CDK3: variants seen among roughly 807,000 people sequenced by gnomAD.
CDK3 encodes the protein cyclin-dependent kinase 3.
Under a neutral mutation model 30.2 loss-of-function variants are expected in CDK3, and 24 were observed. The observed-to-expected ratio is 0.79, with a 90% CI of 0.57 to 1.12. The LOEUF is 1.12. Ranked by LOEUF, CDK3 falls within the 50% of genes most tolerant of loss-of-function variation. CDK3 has a pLI of 0.00. For missense variants in CDK3, 345 were observed against 376.0 expected, an observed-to-expected ratio of 0.92 and a Z score of 0.68; for synonymous variants, 158 against 154.2, an observed-to-expected ratio of 1.02 and a Z score of -0.18.
chr17:76,004,219 GTT>G (rs59029490), intron 7 of CDK3, among the ~76,000 whole-genome samples: 4 of 92,288 alleles, frequency 4.3e-5, no homozygotes, highest in African/African-American at 1.5e-4. Flanking sequence ...AGAACCGTCT[GTT>G]TTTTTTTTTT....
intron 7 of CDK3, 31 bp downstream of exon 7, chr17:76,003,429 C>G: frequency 6.3e-7 from 1 of 1,575,836 alleles, no homozygotes; most frequent in Admixed American, 1.7e-5. Context: ...GCTGCTGCTC[C>G]GACTACAGTT....
rs2066309686 is a variant in CDK3 at position 76,005,985 on chromosome 17, T to C, written c.*562T>C. 1 of 153,078 alleles carries C rather than the reference T, an allele frequency of 6.5e-6. No homozygotes were observed. Among genetic ancestry groups the C allele is most frequent in the African/African-American group, 2.4e-5 (1 of 41,422 alleles). 9.5% of individuals were successfully genotyped at this position (153,078 alleles called of 1,614,324 possible). A position where few individuals can be genotyped will look rare whatever the true frequency, so the allele number is the denominator to read the frequency against. On this transcript the variant is annotated 3_prime_UTR_variant, in exon 8 of 8. Coordinates refer to ENST00000448471, the MANE Select transcript of CDK3 (RefSeq NM_001258.4). The surrounding 1 kb of genome is among the most constrained non-coding windows in gnomAD (Gnocchi z 4.7). Reference sequence around the variant, plus strand: ...CTGGCTTGACAACAATAAATAAACGTGGTATGTTCCTGAGTTTTCTGATTG... The same window carrying C: ...CTGGCTTGACAACAATAAATAAACGCGGTATGTTCCTGAGTTTTCTGATTG...
Position 76,005,340 on chromosome 17 carries a change from A to G in CDK3, c.835A>G (p.Thr279Ala). 2 of 1,614,022 alleles carry G rather than the reference A, an allele frequency of 1.2e-6. No individual in the cohort carries two copies. Among genetic ancestry groups the G allele is most frequent in the Non-Finnish European group, 1.7e-6 (2 of 1,179,978 alleles). Residue 279 changes from threonine to alanine, a missense_variant, in exon 8 of 8, where the codon ACT becomes GCT. Thr to Ala is a moderately conservative substitution (Grantham distance 58, BLOSUM62 0). Coordinates refer to ENST00000448471, the MANE Select transcript of CDK3 (RefSeq NM_001258.4). The surrounding 1 kb of genome is among the most constrained non-coding windows in gnomAD (Gnocchi z 4.7). ...YDPSQRITAKTALAHPYFSSP... is the reference protein window; with the variant it reads ...YDPSQRITAKAALAHPYFSSP... ...CCCCAGCCAGCGGATCACAGCCAAGACTGCCCTGGCCCACCCGTACTTCTC... is the reference window on the plus strand; with the variant it reads ...CCCCAGCCAGCGGATCACAGCCAAGGCTGCCCTGGCCCACCCGTACTTCTC...
Position 76,001,027 on chromosome 17 carries a change from T to G in CDK3, c.-15+60T>G. 2 of 1,128,212 alleles carry G rather than the reference T, an allele frequency of 1.8e-6. No individual in the cohort carries two copies. Among genetic ancestry groups the G allele is most frequent in the Non-Finnish European group, 2.2e-6 (2 of 912,490 alleles). 69.9% of individuals were successfully genotyped at this position (1,128,212 alleles called of 1,614,324 possible). A position where few individuals can be genotyped will look rare whatever the true frequency, so the allele number is the denominator to read the frequency against. On this transcript the variant is annotated intron_variant, in intron 1 of 7. Transcript: ENST00000448471. The surrounding 1 kb of genome is among the most constrained non-coding windows in gnomAD (Gnocchi z 6.2). ...CACAAGTGAGAGGCCTGGGGGTCCA[T>G]GTTGGGCTGGGCTGGGCGAGGGGTG... is the stretch of plus-strand genomic sequence containing the variant.
rs2066304632 is a variant in CDK3, at chr17:76,005,318, C to G, written c.813C>G (p.Pro271=). Residue 271 remains proline (P), a synonymous_variant, in exon 8 of 8, where the codon CCC becomes CCG. Transcript: ENST00000448471. This position sits in a 1 kb window ranked among gnomAD's most constrained non-coding sequence, Gnocchi z 4.7. ...CCTAGCAACTCCTGCAGTATGACCCCAGCCAGCGGATCACAGCCAAGACTG... is the reference window on the plus strand; with the variant it reads ...CCTAGCAACTCCTGCAGTATGACCCGAGCCAGCGGATCACAGCCAAGACTG... ...DLLMQLLQYD[P]SQRITAKTAL... 6.2e-7 allele frequency: 1 copy of G among 1,614,122 alleles called. No homozygotes were observed. The highest frequency in any genetic ancestry group is 1.3e-5 in the African/African-American group (1 of 75,042).
chr17:76,005,641 A>T lies in CDK3; in HGVS notation c.*218A>T, dbSNP rs2066307142. ...GTGCCGTTTCAAAATAGAGGCACAG[A>T]TGCTCCATGCACGAGGGGTCCCCGG... On this transcript the variant is annotated 3_prime_UTR_variant, in exon 8 of 8. Coordinates refer to ENST00000448471, the MANE Select transcript of CDK3 (RefSeq NM_001258.4). This position sits in a 1 kb window ranked among gnomAD's most constrained non-coding sequence, Gnocchi z 4.7. 1 of 536,076 alleles carries T rather than the reference A, an allele frequency of 1.9e-6. No homozygotes were observed. Among genetic ancestry groups the T allele is most frequent in the Admixed American group, 3.7e-5 (1 of 27,090 alleles). The allele number at this position is 536,076 out of a possible 1,614,324, so 33.2% of individuals were successfully genotyped here.
In CDK3 at chr17:76,001,187, C is replaced by T. The variant is rs917976771; in HGVS notation, c.-15+220C>T. The T allele has an allele frequency of 2.2e-6, 3 of 1,369,172 alleles. No homozygotes were observed. The highest frequency in any genetic ancestry group is 3.0e-5 in the Admixed American group (1 of 32,894). 84.8% of individuals were successfully genotyped at this position (1,369,172 alleles called of 1,614,324 possible). A position where few individuals can be genotyped will look rare whatever the true frequency, so the allele number is the denominator to read the frequency against. On this transcript the variant is annotated intron_variant, in intron 1 of 7. Coordinates refer to ENST00000448471, the MANE Select transcript of CDK3 (RefSeq NM_001258.4). This position sits in a 1 kb window ranked among gnomAD's most constrained non-coding sequence, Gnocchi z 6.2. ...TGAACTGGGCTGGGTGAAGGGGGCC[C>T]CCTGACCCCCTTGGGGTCCGGGCTG... is the stretch of plus-strand genomic sequence containing the variant.
In CDK3 at chr17:76,002,724, G is replaced by T; in HGVS notation, c.588+112G>T. On this transcript the variant is annotated intron_variant, in intron 6 of 7. Transcript: ENST00000448471. This position sits in a 1 kb window ranked among gnomAD's most constrained non-coding sequence, Gnocchi z 4.3. Reference sequence around the variant, plus strand: ...GGCGGATTAAAGAGTGTTTGGGGCTGGACATGGCTCACGCCCGTAATCCCA... The same window carrying T: ...GGCGGATTAAAGAGTGTTTGGGGCTTGACATGGCTCACGCCCGTAATCCCA... 1.5e-6 allele frequency: 1 copy of T among 683,344 alleles called. No homozygotes were observed. 42.3% of individuals were successfully genotyped at this position (683,344 alleles called of 1,614,324 possible). A position where few individuals can be genotyped will look rare whatever the true frequency, so the allele number is the denominator to read the frequency against.
intron 6 of CDK3, 124 bp from the exon 7 acceptor site, chr17:76,003,071 T>C: frequency 1.3e-6 from 1 of 780,714 alleles, no homozygotes; most frequent in South Asian, 1.6e-5. Flanking sequence ...GAGGCCAGAA[T>C]TCTTTGCACA....
At position 76,002,450 on chromosome 17, in the gene CDK3, CAGG is replaced by C. The variant is rs1567902068; in HGVS notation, c.486+38_486+40del. The C allele has an allele frequency of 6.2e-7, 1 of 1,610,408 alleles. No individual in the cohort carries two copies. Among genetic ancestry groups the C allele is most frequent in the South Asian group, 1.1e-5 (1 of 90,958 alleles). Reference sequence around the variant, plus strand: ...TGAGACAAAGAGGAGAGAGGGGCAGCAGGAGGAGTGTCACCCATGCACTCAGCC... The same window carrying C: ...TGAGACAAAGAGGAGAGAGGGGCAGCAGGAGTGTCACCCATGCACTCAGCC... On this transcript the variant is annotated intron_variant, in intron 5 of 7. Transcript: ENST00000448471. This position sits in a 1 kb window ranked among gnomAD's most constrained non-coding sequence, Gnocchi z 4.3.
In CDK3 at chr17:76,001,893, A is replaced by G. The variant is rs1168340718; in HGVS notation, c.136A>G (p.Ser46Gly). The part of the protein sequence containing the change: ...RLDLEMEGVP[S>G]TAIREISLLK... Reference sequence around the variant, plus strand: ...TTGCAGGGAGATGGAGGGGGTCCCAAGCACTGCCATCAGGGAGATCTCGCT... The same window carrying G: ...TTGCAGGGAGATGGAGGGGGTCCCAGGCACTGCCATCAGGGAGATCTCGCT... Residue 46 changes from serine to glycine, a missense_variant, in exon 3 of 8, where the codon AGC (serine) becomes GGC (glycine). Physicochemically the swap from Ser to Gly is moderately conservative, Grantham distance 56 (BLOSUM62 0). Coordinates refer to ENST00000448471, the MANE Select transcript of CDK3 (RefSeq NM_001258.4). The surrounding 1 kb of genome is among the most constrained non-coding windows in gnomAD (Gnocchi z 6.2). 6.2e-7 allele frequency: 1 copy of G among 1,613,474 alleles called. No homozygotes were observed. Among genetic ancestry groups the G allele is most frequent in the Admixed American group, 1.7e-5 (1 of 59,996 alleles).
chr17:76,002,365 G>A lies in CDK3; in HGVS notation c.433G>A (p.Asp145Asn). ...INELGAIKLADFGLARAFGVP... is the reference protein window; with the variant it reads ...INELGAIKLANFGLARAFGVP... ...TGAGTTGGGTGCCATCAAGCTGGCT[G>A]ACTTCGGCCTGGCTCGCGCCTTCGG... The change falls in exon 5 of 8, where the codon GAC (aspartate) becomes AAC (asparagine). Residue 145 changes from aspartate to asparagine, a missense_variant. By Grantham distance (23) the Asp-to-Asn change is conservative (BLOSUM62 1). Coordinates refer to ENST00000448471, the MANE Select transcript of CDK3 (RefSeq NM_001258.4). This position sits in a 1 kb window ranked among gnomAD's most constrained non-coding sequence, Gnocchi z 4.3. 1 of 1,612,848 alleles carries A rather than the reference G, an allele frequency of 6.2e-7. No homozygotes were observed. Among genetic ancestry groups the A allele is most frequent in the Non-Finnish European group, 8.5e-7 (1 of 1,179,986 alleles).
chr17:76,005,793 G>A lies in CDK3; in HGVS notation c.*370G>A. The stretch of plus-strand genomic sequence containing the variant: ...AAGGGCGCCCCCTGCTGGTCTTTTT[G>A]GATTTAAAATGTTTGGGGGAAGAGT... On this transcript the variant is annotated 3_prime_UTR_variant, in exon 8 of 8. Transcript: ENST00000448471. This position sits in a 1 kb window ranked among gnomAD's most constrained non-coding sequence, Gnocchi z 4.7. 5.2e-6 allele frequency: 1 copy of A among 190,662 alleles called. No individual in the cohort carries two copies. 11.8% of individuals were successfully genotyped at this position (190,662 alleles called of 1,614,324 possible).
chr17:76,005,590 TC>T lies in CDK3; in HGVS notation c.*169del. 1 of 774,052 alleles carries T rather than the reference TC, an allele frequency of 1.3e-6. No individual in the cohort carries two copies. The allele number at this position is 774,052 out of a possible 1,614,324, so 47.9% of individuals were successfully genotyped here. A position where few individuals can be genotyped will look rare whatever the true frequency, so the allele number is the denominator to read the frequency against. ...TAGTCCTGCCCGCAGGTTAGCGAGA[TC>T]CTGTGTTGTTTTTTGGGTTGGACGG... On this transcript the variant is annotated 3_prime_UTR_variant, in exon 8 of 8. Transcript: ENST00000448471. This position sits in a 1 kb window ranked among gnomAD's most constrained non-coding sequence, Gnocchi z 4.7.
Position 76,001,392 on chromosome 17 carries a change from C to T in CDK3, c.-14-20C>T, listed in dbSNP as rs759298657. The T allele has an allele frequency of 7.4e-6, 12 of 1,613,682 alleles. No individual in the cohort carries two copies. In the South Asian group the frequency reaches 8.8e-5, roughly 12 times the overall value. Reference sequence around the variant, plus strand: ...CGCTGGGCGTGGGGTGCAAATTGCCCGGTGCCTTCTGTTTCCCAGGCAGCT... The same window carrying T: ...CGCTGGGCGTGGGGTGCAAATTGCCTGGTGCCTTCTGTTTCCCAGGCAGCT... On this transcript the variant is annotated intron_variant, in intron 1 of 7. Transcript: ENST00000448471. The surrounding 1 kb of genome is among the most constrained non-coding windows in gnomAD (Gnocchi z 6.2).
In CDK3 at chr17:76,001,726, G is replaced by A. The variant is rs2066261551; in HGVS notation, c.117-148G>A. On this transcript the variant is annotated intron_variant, in intron 2 of 7. Coordinates refer to ENST00000448471, the MANE Select transcript of CDK3 (RefSeq NM_001258.4). The surrounding 1 kb of genome is among the most constrained non-coding windows in gnomAD (Gnocchi z 6.2). ...CCTTTGCCGGGGCCCTGACTGTGGA[G>A]TTTGGTGGATGACGTGCCAAGGAGC... The A allele has an allele frequency of 1.1e-6, 1 of 936,530 alleles. No homozygotes were observed. 58.0% of individuals were successfully genotyped at this position (936,530 alleles called of 1,614,324 possible). A position where few individuals can be genotyped will look rare whatever the true frequency, so the allele number is the denominator to read the frequency against.
At chr17:76,003,113 C>A in intron 6 of CDK3, 82 bp from the exon 7 acceptor site, 1 of 1,159,528 alleles carries the variant, frequency 8.6e-7, no homozygotes, top group Non-Finnish European at 1.3e-6. Context: ...CAGGCCTCTC[C>A]CTGGGTCTGG....
chr17:76,003,147 G>C, intron 6 of CDK3, 48 bp from the exon 7 acceptor site: 1 of 1,514,784 alleles, frequency 6.6e-7, no homozygotes, highest in East Asian at 2.3e-5. Context: ...ATTGGATTCT[G>C]TATAACAAAG....
chr17:76,003,104 A>G, intron 6 of CDK3, 91 bp from the exon 7 acceptor site: 4 of 981,872 alleles, frequency 4.1e-6, no homozygotes, highest in South Asian at 2.9e-5. Context: ...ATATCTTGAC[A>G]GGCCTCTCCC....
Sources: allele counts gnomAD v4.1 joint callset (sites outside exome capture counted in the v4.1 genomes callset), GRCh38; gene constraint gnomAD v4.1.1; non-coding constraint Gnocchi (gnomAD v3.1); transcripts MANE v1.5; gene names NCBI Gene and HGNC (gene_info 2026-07-23, HGNC 2026-07-21).